Variants in KCNJ2 observed in about 807,000 individuals in gnomAD.
The protein encoded by KCNJ2 is potassium inwardly rectifying channel subfamily J member 2.
In KCNJ2, 12 loss-of-function variants were observed where a neutral mutation model predicts 28.4. That is an observed-to-expected ratio of 0.42 (90% confidence interval 0.27 to 0.68). KCNJ2 has a LOEUF of 0.68. Ranked by LOEUF, KCNJ2 falls within the 30% of genes least tolerant of loss-of-function variation. KCNJ2 has a pLI of 0.23. For synonymous variants in KCNJ2, 200 were observed against 203.2 expected (o/e 0.98, Z 0.13); for missense variants, 320 against 551.3 (o/e 0.58, Z 4.20).
At position 70,177,049 on chromosome 17, in the gene KCNJ2, T is replaced by G. The variant is rs1355488515; in HGVS notation, c.*726T>G. 6.0e-6 allele frequency: 1 copy of G among 167,288 alleles called. No individual in the cohort carries two copies. The highest frequency in any genetic ancestry group is 1.5e-5 in the Non-Finnish European group (1 of 68,328). The allele number at this position is 167,288 out of a possible 1,614,324, so 10.4% of individuals were successfully genotyped here. The stretch of plus-strand genomic sequence containing the variant: ...TACCTAAAATAAATACCAAAGATAA[T>G]GCATATTTTTGCACAGTGGAGCTTA... On this transcript the variant is annotated 3_prime_UTR_variant, in exon 2 of 2. Transcript: ENST00000243457.
At chr17:70,171,223 G>A (rs543151874) in intron 1 of KCNJ2, among the ~76,000 whole-genome samples, 68 of 152,248 alleles carry the variant, frequency 4.5e-4, no homozygotes, top group African/African-American at 9.4e-4. Flanking sequence ...TTAGACAGGG[G>A]GCTCACACGT....
chr17:70,176,518 G>A lies in KCNJ2; in HGVS notation c.*195G>A, dbSNP rs2074394409. 1.6e-6 allele frequency: 1 copy of A among 642,970 alleles called. No homozygotes were observed. The highest frequency in any genetic ancestry group is 1.8e-5 in the African/African-American group (1 of 54,650). 39.8% of individuals were successfully genotyped at this position (642,970 alleles called of 1,614,324 possible). On this transcript the variant is annotated 3_prime_UTR_variant, in exon 2 of 2. Coordinates refer to ENST00000243457, the MANE Select transcript of KCNJ2 (RefSeq NM_000891.3). Reference sequence around the variant, plus strand: ...CATAAAGCACTAACCATGTCTCCATGTGACCCGATGGCACATAGATGTTGT... The same window carrying A: ...CATAAAGCACTAACCATGTCTCCATATGACCCGATGGCACATAGATGTTGT...
In KCNJ2 at chr17:70,169,661, C is replaced by T. The variant is rs943335529; in HGVS notation, c.-257C>T. On this transcript the variant is annotated 5_prime_UTR_variant, in exon 1 of 2. Coordinates refer to ENST00000243457, the MANE Select transcript of KCNJ2 (RefSeq NM_000891.3). Reference sequence around the variant, plus strand: ...GGATCTTACATGCCTCTGTACCCCCCACTTCCACTCCATGTCCCCATGCTC... The same window carrying T: ...GGATCTTACATGCCTCTGTACCCCCTACTTCCACTCCATGTCCCCATGCTC... The T allele has an allele frequency of 6.5e-6, 1 of 153,328 alleles. No homozygotes were observed. Among genetic ancestry groups the T allele is most frequent in the African/African-American group, 2.4e-5 (1 of 41,504 alleles). The allele number at this position is 153,328 out of a possible 1,614,324, so 9.5% of individuals were successfully genotyped here. A position where few individuals can be genotyped will look rare whatever the true frequency, so the allele number is the denominator to read the frequency against.
chr17:70,172,842 G>C (rs2074372417), intron 1 of KCNJ2, among the ~76,000 whole-genome samples: 1 of 152,172 alleles, frequency 6.6e-6, no homozygotes, highest in Admixed American at 6.5e-5. Flanking sequence ...TGCTGTCTCT[G>C]TCTGTTTAGT....
chr17:70,170,286 A>G (rs780703622), intron 1 of KCNJ2, among the ~76,000 whole-genome samples: 38 of 152,298 alleles, frequency 2.5e-4, no homozygotes, highest in South Asian at 6.2e-4. Context: ...TGAGGATCGC[A>G]AAACTTTCAC....
chr17:70,169,794 GC>G (rs1222752479), intron 1 of KCNJ2, 93 bp downstream of exon 1: 1 of 153,126 alleles, frequency 6.5e-6, no homozygotes, highest in Non-Finnish European at 1.5e-5. Flanking sequence ...ACCCTGCCCC[GC>G]TGCTCCAGAG....
rs534260324 is a variant in KCNJ2 at position 70,175,204 on chromosome 17, T to C, written c.165T>C (p.Asn55=). ...SRFVKKDGHC[N]VQFINVGEKG... is the part of the protein sequence containing the mutation. ...TTGTGAAGAAAGATGGCCACTGTAA[T>C]GTTCAGTTCATCAATGTGGGTGAGA... The change falls in exon 2 of 2, where the codon AAT becomes AAC. Residue 55 remains asparagine, a synonymous_variant. Transcript: ENST00000243457. This position sits in a 1 kb window ranked among gnomAD's most constrained non-coding sequence, Gnocchi z 8.3. The C allele has an allele frequency of 6.2e-7, 1 of 1,614,134 alleles. No homozygotes were observed. The highest frequency in any genetic ancestry group is 1.3e-5 in the African/African-American group (1 of 75,022).
At chr17:70,171,687 T>C (rs1437203299) in intron 1 of KCNJ2, among the ~76,000 whole-genome samples, 1 of 152,174 alleles carries the variant, frequency 6.6e-6, no homozygotes, top group Non-Finnish European at 1.5e-5. Flanking sequence ...CGCTGAACTA[T>C]TTTTTTCCAT....
intron 1 of KCNJ2, among the ~76,000 whole-genome samples, chr17:70,173,785 C>T (rs2074377127): frequency 6.6e-6 from 1 of 152,302 alleles, no homozygotes; most frequent in Middle Eastern, 3.4e-3. Context: ...GAGAACACAG[C>T]ACTGGACTCA....
At position 70,175,510 on chromosome 17, in the gene KCNJ2, T is replaced by G; in HGVS notation, c.471T>G (p.Ala157=). The change falls in exon 2 of 2, where the codon GCT becomes GCG. Residue 157 remains alanine, a synonymous_variant. Coordinates refer to ENST00000243457, the MANE Select transcript of KCNJ2 (RefSeq NM_000891.3). The surrounding 1 kb of genome is among the most constrained non-coding windows in gnomAD (Gnocchi z 8.3). ...FRCVTDECPI[A]VFMVVFQSIV... ...GTGTCACGGATGAATGCCCAATTGC[T>G]GTTTTCATGGTGGTGTTCCAGTCAA... 1.2e-6 allele frequency: 2 copies of G among 1,614,202 alleles called. No individual in the cohort carries two copies. Among genetic ancestry groups the G allele is most frequent in the Non-Finnish European group, 1.7e-6 (2 of 1,180,042 alleles).
chr17:70,175,158 G>T lies in KCNJ2; in HGVS notation c.119G>T (p.Arg40Leu). 6.2e-7 allele frequency: 1 copy of T among 1,614,170 alleles called. No individual in the cohort carries two copies. The highest frequency in any genetic ancestry group is 8.5e-7 in the Non-Finnish European group (1 of 1,180,038). The change falls in exon 2 of 2, where the codon CGA (arginine) becomes CTA (leucine). Residue 40 changes from arginine (R) to leucine (L), a missense_variant. Coordinates refer to ENST00000243457, the MANE Select transcript of KCNJ2 (RefSeq NM_000891.3). This position sits in a 1 kb window ranked among gnomAD's most constrained non-coding sequence, Gnocchi z 8.3. The stretch of plus-strand genomic sequence containing the variant: ...AACGGGAAGAGTAAAGTCCACACCC[G>T]ACAACAGTGCAGGAGCCGCTTTGTG... Reference protein sequence around the residue: ...FGNGKSKVHTRQQCRSRFVKK... With the variant: ...FGNGKSKVHTLQQCRSRFVKK...
chr17:70,175,876 A>G lies in KCNJ2; in HGVS notation c.837A>G (p.Leu279=), dbSNP rs772189737. 6.2e-6 allele frequency: 10 copies of G among 1,614,034 alleles called. No individual in the cohort carries two copies. The South Asian group carries it at 8.8e-5, about 14-fold the overall frequency. The stretch of plus-strand genomic sequence containing the variant: ...ATGAAATAGATGAAGACAGTCCTTT[A>G]TATGATTTGAGTAAACAGGACATTG... ...IVHEIDEDSP[L]YDLSKQDIDN... is the part of the protein sequence containing the mutation. Residue 279 remains leucine, a synonymous_variant, in exon 2 of 2, where the codon TTA becomes TTG. Transcript: ENST00000243457. The surrounding 1 kb of genome is among the most constrained non-coding windows in gnomAD (Gnocchi z 8.3).
chr17:70,170,628 T>C (rs1372670649), intron 1 of KCNJ2, among the ~76,000 whole-genome samples: 1 of 152,246 alleles, frequency 6.6e-6, no homozygotes, highest in Admixed American at 6.5e-5. Context: ...AGAAACCATA[T>C]TGCGTTTTAT....
intron 1 of KCNJ2, among the ~76,000 whole-genome samples, chr17:70,174,006 G>T (rs1469178475): frequency 6.6e-6 from 1 of 152,188 alleles, no homozygotes; most frequent in Non-Finnish European, 1.5e-5. Context: ...TACTAATAGA[G>T]ACTTAGCAGG....
At chr17:70,173,648 C>T (rs2074376246) in intron 1 of KCNJ2, among the ~76,000 whole-genome samples, 1 of 152,168 alleles carries the variant, frequency 6.6e-6, no homozygotes, top group South Asian at 2.1e-4. Context: ...CTGAGAACTA[C>T]TATTTGCACA....
At position 70,169,693 on chromosome 17, in the gene KCNJ2, C is replaced by A; in HGVS notation, c.-225C>A. 6.5e-6 allele frequency: 1 copy of A among 153,878 alleles called. No homozygotes were observed. The highest frequency in any genetic ancestry group is 1.4e-5 in the Non-Finnish European group (1 of 69,318). 9.5% of individuals were successfully genotyped at this position (153,878 alleles called of 1,614,324 possible). A position where few individuals can be genotyped will look rare whatever the true frequency, so the allele number is the denominator to read the frequency against. Reference sequence around the variant, plus strand: ...ACTCCATGTCCCCATGCTCCTGCGCCAGCAACAGGTAAGGGCTGCTGTGTT... The same window carrying A: ...ACTCCATGTCCCCATGCTCCTGCGCAAGCAACAGGTAAGGGCTGCTGTGTT... On this transcript the variant is annotated 5_prime_UTR_variant, in exon 1 of 2. Coordinates refer to ENST00000243457, the MANE Select transcript of KCNJ2 (RefSeq NM_000891.3).
In KCNJ2 at chr17:70,175,847, G is replaced by C; in HGVS notation, c.808G>C (p.Val270Leu). 1 of 1,614,162 alleles carries C rather than the reference G, an allele frequency of 6.2e-7. No individual in the cohort carries two copies. The highest frequency in any genetic ancestry group is 8.5e-7 in the Non-Finnish European group (1 of 1,180,030). Residue 270 changes from valine (V) to leucine (L), a missense_variant, in exon 2 of 2, where the codon GTC (valine) becomes CTC (leucine). Around this residue, in one of 3 missense-constraint regions of KCNJ2, gnomAD observed 155 missense variants for 231.6 expected, o/e 0.67. Coordinates refer to ENST00000243457, the MANE Select transcript of KCNJ2 (RefSeq NM_000891.3). The surrounding 1 kb of genome is among the most constrained non-coding windows in gnomAD (Gnocchi z 8.3). ...RIFLVSPITI[V>L]HEIDEDSPLY... The stretch of plus-strand genomic sequence containing the variant: ...ATTTCTGGTGTCCCCAATCACTATA[G>C]TCCATGAAATAGATGAAGACAGTCC...
At position 70,176,726 on chromosome 17, in the gene KCNJ2, C is replaced by T. The variant is rs1329209148; in HGVS notation, c.*403C>T. On this transcript the variant is annotated 3_prime_UTR_variant, in exon 2 of 2. Transcript: ENST00000243457. Reference sequence around the variant, plus strand: ...TTTGAAAAGCTGCTAACTACATGAACACAAATGTGTATTTTTGTTGCAGTG... The same window carrying T: ...TTTGAAAAGCTGCTAACTACATGAATACAAATGTGTATTTTTGTTGCAGTG... 1 of 241,156 alleles carries T rather than the reference C, an allele frequency of 4.1e-6. No individual in the cohort carries two copies. The highest frequency in any genetic ancestry group is 2.3e-5 in the African/African-American group (1 of 43,762). The allele number at this position is 241,156 out of a possible 1,614,324, so 14.9% of individuals were successfully genotyped here. A position where few individuals can be genotyped will look rare whatever the true frequency, so the allele number is the denominator to read the frequency against.
In KCNJ2 at chr17:70,175,192, T is replaced by C; in HGVS notation, c.153T>C (p.Asp51=). The change falls in exon 2 of 2, where the codon GAT becomes GAC. Residue 51 remains aspartate, a synonymous_variant. Coordinates refer to ENST00000243457, the MANE Select transcript of KCNJ2 (RefSeq NM_000891.3). This position sits in a 1 kb window ranked among gnomAD's most constrained non-coding sequence, Gnocchi z 8.3. The part of the protein sequence containing the change: ...QQCRSRFVKK[D]GHCNVQFINV... ...GCAGGAGCCGCTTTGTGAAGAAAGA[T>C]GGCCACTGTAATGTTCAGTTCATCA... 6.2e-7 allele frequency: 1 copy of C among 1,614,196 alleles called. No homozygotes were observed. Among genetic ancestry groups the C allele is most frequent in the Non-Finnish European group, 8.5e-7 (1 of 1,180,028 alleles).
Sources: gnomAD v4.1 joint callset for allele counts (sites outside exome capture counted in the v4.1 genomes callset) on GRCh38, gnomAD v4.1.1 for gene constraint, gnomAD v4.1.1 regional missense constraint, Gnocchi (gnomAD v3.1) non-coding constraint, MANE v1.5 for transcripts, NCBI Gene and HGNC (gene_info 2026-07-23, HGNC 2026-07-21) for gene names.